FUT8: variants seen among roughly 807,000 people sequenced by gnomAD.
FUT8 encodes alpha-(1,6)-fucosyltransferase.
In FUT8, 29 loss-of-function variants were observed where a neutral mutation model predicts 71.3. The observed-to-expected ratio is 0.41, with a 90% CI of 0.30 to 0.55. FUT8 has a LOEUF of 0.55. Ranked by LOEUF, FUT8 falls within the 20% of genes least tolerant of loss-of-function variation. FUT8 has a pLI of 0.34. For missense variants in FUT8, 544 were observed against 702.1 expected (o/e 0.77, Z 2.55); for synonymous variants, 254 against 239.3 (o/e 1.06, Z -0.57).
intron 2 of FUT8, chr14:65,471,121 GA>G (rs1413575999): frequency 1.1e-5 from 5 of 455,774 alleles, no homozygotes; most frequent in African/African-American, 8.3e-5. Flanking sequence ...GGATGAGGGG[GA>G]AAGTTCTATA....
At chr14:65,554,526 G>A (rs891124975) in intron 2 of FUT8, among the ~76,000 whole-genome samples, 4 of 151,564 alleles carry the variant, frequency 2.6e-5, no homozygotes, top group African/African-American at 7.3e-5. Context: ...AGATTGAGGT[G>A]AATAGTATTT....
At chr14:65,481,023 T>G (rs1178488379) in intron 2 of FUT8, among the ~76,000 whole-genome samples, 2 of 152,180 alleles carry the variant, frequency 1.3e-5, no homozygotes, top group African/African-American at 4.8e-5. Context: ...TGAGGAGACA[T>G]CATACTGTTT....
At position 65,631,084 on chromosome 14, in the gene FUT8, A is replaced by G. The variant is rs543835857; in HGVS notation, c.597+1478A>G. Among the ~76,000 whole-genome samples, 7 of 152,346 alleles carry G rather than the reference A, an allele frequency of 4.6e-5. No individual in the cohort carries two copies. In the East Asian group the frequency reaches 1.2e-3, roughly 25 times the overall value. On this transcript the variant is annotated intron_variant, in intron 6 of 10. Transcript: ENST00000673929. ...CATGCTATCTTGGTCTCATACCCAC[A>G]TGGCCATTCATCAGAGGTGTCTGCA...
chr14:65,678,365 C>G (rs1892869735), intron 7 of FUT8, among the ~76,000 whole-genome samples: 1 of 152,114 alleles, frequency 6.6e-6, no homozygotes, highest in Non-Finnish European at 1.5e-5. Flanking sequence ...TTAGGTTGCC[C>G]TGTAAAAATC....
intron 7 of FUT8, among the ~76,000 whole-genome samples, chr14:65,719,192 A>G (rs1895278268): frequency 1.3e-5 from 2 of 152,052 alleles, no homozygotes; most frequent in African/African-American, 4.8e-5. Context: ...GTATTTTCAA[A>G]TAGCCTGTCT....
intron 2 of FUT8, among the ~76,000 whole-genome samples, chr14:65,506,252 A>G (rs941477142): frequency 3.3e-5 from 5 of 152,246 alleles, no homozygotes; most frequent in Admixed American, 2.0e-4. Context: ...TTAAAAGTCA[A>G]TGGAATAAAA....
chr14:65,414,936 TAA>T (rs1381380376), intron 1 of FUT8, among the ~76,000 whole-genome samples: 1 of 152,212 alleles, frequency 6.6e-6, no homozygotes, highest in Non-Finnish European at 1.5e-5. Flanking sequence ...TTTTTGAATT[TAA>T]AAAGTCACCT....
At chr14:65,633,479 C>A (rs1431705586) in intron 6 of FUT8, among the ~76,000 whole-genome samples, 1 of 151,618 alleles carries the variant, frequency 6.6e-6, no homozygotes, top group African/African-American at 2.4e-5. Context: ...CCTGGCTGCC[C>A]AGTCTGGAAA....
At chr14:65,682,460 A>G (rs1893084283) in intron 7 of FUT8, among the ~76,000 whole-genome samples, 1 of 152,090 alleles carries the variant, frequency 6.6e-6, no homozygotes, top group Non-Finnish European at 1.5e-5. Context: ...AACTAGGATC[A>G]TGCCATTGCA....
Position 65,721,870 on chromosome 14 carries a change from G to C in FUT8, c.931G>C (p.Asp311His), listed in dbSNP as rs1431127635. 6.2e-7 allele frequency: 1 copy of C among 1,614,092 alleles called. No homozygotes were observed. The highest frequency in any genetic ancestry group is 1.3e-5 in the African/African-American group (1 of 74,940). ...PPYLPLAVPEDLADRLVRVHG... is the reference protein window; with the variant it reads ...PPYLPLAVPEHLADRLVRVHG... ...ATATTTACCCTTGGCTGTACCAGAA[G>C]ACCTCGCAGATCGACTTGTACGAGT... Residue 311 changes from aspartate to histidine, a missense_variant, in exon 8 of 11, where the codon GAC becomes CAC. Coordinates refer to ENST00000673929, the MANE Select transcript of FUT8 (RefSeq NM_001371533.1).
chr14:65,523,388 A>G (rs1412729639), intron 2 of FUT8, among the ~76,000 whole-genome samples: 9 of 152,060 alleles, frequency 5.9e-5, no homozygotes, highest in Non-Finnish European at 1.2e-4. Flanking sequence ...AGAAGTGTCT[A>G]TTCATATCCT....
rs11385453 is a variant in FUT8 at position 65,704,340 on chromosome 14, A to ATT, written c.836-17425_836-17424dup. On this transcript the variant is annotated intron_variant, in intron 7 of 10. Transcript: ENST00000673929. ...AGGGGAACTTAAGAGTGGAATTGTGATTTTTTTTTTTAAATAGGGCAATGG... is the reference window on the plus strand; with the variant it reads ...AGGGGAACTTAAGAGTGGAATTGTGATTTTTTTTTTTTTAAATAGGGCAATGG... Among the ~76,000 whole-genome samples, 943 of 150,048 alleles carry ATT rather than the reference A, an allele frequency of 6.3e-3. 34 individuals carry two copies. In the East Asian group the frequency reaches 0.094, roughly 15 times the overall value.
chr14:65,521,277 G>A (rs142543533), intron 2 of FUT8, among the ~76,000 whole-genome samples: 110 of 152,222 alleles, frequency 7.2e-4, no homozygotes, highest in Non-Finnish European at 3.1e-4. Flanking sequence ...TAAACATGAT[G>A]TTAGCATTTA....
chr14:65,511,738 G>A (rs1367853790), intron 2 of FUT8, among the ~76,000 whole-genome samples: 1 of 152,070 alleles, frequency 6.6e-6, no homozygotes, highest in Non-Finnish European at 1.5e-5. Flanking sequence ...GTTTCCATTG[G>A]CATGGAATAT....
chr14:65,709,825 G>T (rs960122104), intron 7 of FUT8, among the ~76,000 whole-genome samples: 2 of 152,126 alleles, frequency 1.3e-5, no homozygotes, highest in African/African-American at 4.8e-5. Flanking sequence ...TCATGGTGTG[G>T]CCCATACTCA....
intron 2 of FUT8, among the ~76,000 whole-genome samples, chr14:65,509,919 C>G (rs1660480389): frequency 2.0e-5 from 3 of 152,008 alleles, no homozygotes. Context: ...TTCGGATGCC[C>G]TTTATATCTT....
chr14:65,405,058 G>A, the FUT8 span, among the ~76,000 whole-genome samples: 1 of 152,190 alleles, frequency 6.6e-6, no homozygotes, highest in African/African-American at 2.4e-5. Context: ...TCACTATTAT[G>A]TTATTCCCAG....
intron 7 of FUT8, among the ~76,000 whole-genome samples, chr14:65,685,817 G>C (rs947951742): frequency 6.6e-6 from 1 of 152,312 alleles, no homozygotes; most frequent in Non-Finnish European, 1.5e-5. Context: ...CTCTTAGCAT[G>C]CTAATGTATT....
intron 3 of FUT8, among the ~76,000 whole-genome samples, chr14:65,589,666 G>A (rs1233905676): frequency 2.0e-5 from 3 of 151,870 alleles, no homozygotes; most frequent in South Asian, 4.1e-4. Flanking sequence ...GGATGGTCTC[G>A]ATCTCCTGAC....
Sources: gnomAD v4.1 joint callset for allele counts (sites outside exome capture counted in the v4.1 genomes callset) on GRCh38, gnomAD v4.1.1 for gene constraint, MANE v1.5 for transcripts, NCBI Gene and HGNC (gene_info 2026-07-23, HGNC 2026-07-21) for gene names.